GOLGA5: variants seen among roughly 807,000 people sequenced by gnomAD.
GOLGA5 encodes golgin A5, also known as golgin subfamily A member 5.
A neutral mutation model predicts 93.5 loss-of-function variants in GOLGA5; 50 were observed. The observed-to-expected ratio is 0.53, with a 90% CI of 0.43 to 0.68. The LOEUF (loss-of-function observed/expected upper bound fraction) is 0.68, where lower values mean the gene tolerates loss of function less well. GOLGA5 is among the 30% of genes least tolerant of loss of function. GOLGA5 has a pLI of 0.00. For synonymous variants in GOLGA5, 312 were observed against 304.5 expected (o/e 1.02, Z -0.26); for missense variants, 760 against 856.4 (o/e 0.89, Z 1.40).
At position 92,817,356 on chromosome 14, in the gene GOLGA5, T is replaced by C. The variant is rs143511384; in HGVS notation, c.1491+935T>C. On this transcript the variant is annotated intron_variant, in intron 7 of 12. Transcript: ENST00000163416. ...GCCTAGGTTTGGAATTAGAACAGGGTCTTCATAATTATAGATCTTACATTC... is the reference window on the plus strand; with the variant it reads ...GCCTAGGTTTGGAATTAGAACAGGGCCTTCATAATTATAGATCTTACATTC... Among the ~76,000 whole-genome samples the C allele has an allele frequency of 3.2e-4, 48 of 152,246 alleles. No individual in the cohort carries two copies. In the East Asian group the frequency reaches 9.2e-3, roughly 29 times the overall value.
At position 92,839,766 on chromosome 14, in the gene GOLGA5, A is replaced by G. The variant is rs761288593; in HGVS notation, c.*320A>G. ...ATCTGTATGTTAGGTGACATTGATT[A>G]TGGGTTATAATCAGGGAAACTAATT... On this transcript the variant is annotated 3_prime_UTR_variant, in exon 13 of 13. Coordinates refer to ENST00000163416, the MANE Select transcript of GOLGA5 (RefSeq NM_005113.4). 2 of 297,436 alleles carry G rather than the reference A, an allele frequency of 6.7e-6. No homozygotes were observed. Among genetic ancestry groups the G allele is most frequent in the East Asian group, 1.0e-4 (2 of 19,812 alleles). 18.4% of individuals were successfully genotyped at this position (297,436 alleles called of 1,614,324 possible).
At chr14:92,800,939 G>A (rs774385862) in intron 2 of GOLGA5, among the ~76,000 whole-genome samples, 6 of 152,222 alleles carry the variant, frequency 3.9e-5, no homozygotes, top group Non-Finnish European at 8.8e-5. Flanking sequence ...CTCTTGGGTA[G>A]GACCTCTCAA....
At chr14:92,819,648 T>C in intron 7 of GOLGA5, 60 bp from the exon 8 acceptor site, 2 of 1,541,766 alleles carry the variant, frequency 1.3e-6, no homozygotes, top group Non-Finnish European at 1.8e-6. Context: ...GAAAAATTGC[T>C]CAATAAATGT....
intron 9 of GOLGA5, among the ~76,000 whole-genome samples, chr14:92,827,181 T>G (rs1885440967): frequency 6.6e-6 from 1 of 152,230 alleles, no homozygotes; most frequent in Non-Finnish European, 1.5e-5. Flanking sequence ...AAGCACACCT[T>G]GTTTTATTGC....
At chr14:92,836,898 C>T (rs1458301834) in intron 11 of GOLGA5, among the ~76,000 whole-genome samples, 1 of 152,100 alleles carries the variant, frequency 6.6e-6, no homozygotes, top group Non-Finnish European at 1.5e-5. Context: ...AACCCCGTCT[C>T]TACTAAAAAT....
chr14:92,826,072 A>G (rs1304188955), intron 9 of GOLGA5, among the ~76,000 whole-genome samples: 1 of 151,520 alleles, frequency 6.6e-6, no homozygotes, highest in Non-Finnish European at 1.5e-5. Flanking sequence ...TAAGGATCAC[A>G]TGAGCCTAGG....
intron 2 of GOLGA5, among the ~76,000 whole-genome samples, chr14:92,801,829 T>C (rs1157620279): frequency 6.6e-6 from 1 of 152,120 alleles, no homozygotes; most frequent in East Asian, 1.9e-4. Flanking sequence ...ACCACCTGTC[T>C]TATATATCAA....
chr14:92,804,168 T>G (rs1013716024), intron 2 of GOLGA5, among the ~76,000 whole-genome samples: 2 of 152,238 alleles, frequency 1.3e-5, no homozygotes, highest in African/African-American at 4.8e-5. Flanking sequence ...GCCTTAGATA[T>G]CATCCCACAT....
chr14:92,835,360 CTTG>C (rs1885618401), intron 10 of GOLGA5, among the ~76,000 whole-genome samples, 196 bp from the exon 11 acceptor site: 1 of 152,040 alleles, frequency 6.6e-6, no homozygotes, highest in Admixed American at 6.6e-5. Context: ...AAACTTTTTT[CTTG>C]TTGTGGATAT....
At chr14:92,798,465 GTT>G (rs1303336950) in intron 2 of GOLGA5, among the ~76,000 whole-genome samples, 1 of 152,176 alleles carries the variant, frequency 6.6e-6, no homozygotes, top group African/African-American at 2.4e-5. Context: ...AAGTTGAAGA[GTT>G]GAAGGCATTG....
chr14:92,805,114 T>C (rs2140315626), intron 2 of GOLGA5, among the ~76,000 whole-genome samples: 1 of 152,284 alleles, frequency 6.6e-6, no homozygotes, highest in East Asian at 1.9e-4. Context: ...ACCTTTACCG[T>C]GTTATAGATT....
chr14:92,838,012 C>T (rs1366883416), intron 12 of GOLGA5, among the ~76,000 whole-genome samples: 3 of 152,210 alleles, frequency 2.0e-5, no homozygotes, highest in Admixed American at 2.0e-4. Context: ...TAGTTACCTC[C>T]ATTTTAAAGC....
chr14:92,806,713 A>G, intron 2 of GOLGA5, 23 bp from the exon 3 acceptor site: 2 of 1,547,456 alleles, frequency 1.3e-6, no homozygotes, highest in Non-Finnish European at 1.8e-6. Context: ...CAATGTAACA[A>G]AAACGTATTC....
chr14:92,835,058 A>G (rs1885611531), intron 10 of GOLGA5, among the ~76,000 whole-genome samples: 1 of 152,222 alleles, frequency 6.6e-6, no homozygotes, highest in African/African-American at 2.4e-5. Context: ...AGACAGGGAA[A>G]TGGCAGCTGA....
In GOLGA5 at chr14:92,835,546, CTTAT is replaced by C. The variant is rs757569547; in HGVS notation, c.1946-9_1946-6del. On this transcript the variant is annotated splice_polypyrimidine_tract_variant and intron_variant, in intron 10 of 12. Coordinates refer to ENST00000163416, the MANE Select transcript of GOLGA5 (RefSeq NM_005113.4). ...TTATGTCAGTACACTAATTTATTTT[CTTAT>C]TTAAACAGGCACTCGTCTGCGAAAT... The C allele has an allele frequency of 8.3e-5, 128 of 1,542,686 alleles. No individual in the cohort carries two copies. Among genetic ancestry groups the C allele is most frequent in the Middle Eastern group, 5.1e-4 (3 of 5,912 alleles).
intron 9 of GOLGA5, among the ~76,000 whole-genome samples, chr14:92,831,887 AAG>A (rs1885539132): frequency 6.6e-6 from 1 of 152,194 alleles, no homozygotes; most frequent in African/African-American, 2.4e-5. Flanking sequence ...TAATTTAAGT[AAG>A]CATCATATCC....
intron 6 of GOLGA5, among the ~76,000 whole-genome samples, chr14:92,815,437 T>C (rs918639590): frequency 2.6e-5 from 4 of 152,228 alleles, no homozygotes; most frequent in African/African-American, 7.2e-5. Context: ...CAGAGGGTAC[T>C]ATCTATAGAG....
chr14:92,832,752 C>G lies in GOLGA5; in HGVS notation c.1720-370C>G, dbSNP rs146696190. ...GTGGATTGTGTCCTCTAAACCCATG[C>G]TTTGAAATACTTTGACCATGACGCC... On this transcript the variant is annotated intron_variant, in intron 9 of 12. Transcript: ENST00000163416. Among the ~76,000 whole-genome samples, 22 of 152,296 alleles carry G rather than the reference C, an allele frequency of 1.4e-4. No individual in the cohort carries two copies. The East Asian group carries it at 2.1e-3, about 15-fold the overall frequency.
chr14:92,829,612 CT>C (rs1302573079), intron 9 of GOLGA5, among the ~76,000 whole-genome samples: 1 of 152,166 alleles, frequency 6.6e-6, no homozygotes, highest in Non-Finnish European at 1.5e-5. Context: ...TGAGGAGTTG[CT>C]TCTTACCGAT....
Sources: allele counts gnomAD v4.1 joint callset (sites outside exome capture counted in the v4.1 genomes callset), GRCh38; gene constraint gnomAD v4.1.1; transcripts MANE v1.5; gene names NCBI Gene and HGNC (gene_info 2026-07-23, HGNC 2026-07-21).